Variants in ERC1 observed in about 807,000 individuals in gnomAD.
ERC1 encodes the protein ELKS/RAB6-interacting/CAST family member 1.
A neutral mutation model predicts 132.0 loss-of-function variants in ERC1; 56 were observed. That is an observed-to-expected ratio of 0.42 (90% confidence interval 0.34 to 0.53). ERC1 has a LOEUF of 0.53. Among genes scored for constraint, ERC1 ranks in the 20% least tolerant of loss-of-function variants. The pLI is 0.03. For missense variants in ERC1, 1,202 were observed against 1,349.9 expected (o/e 0.89, Z 1.72); for synonymous variants, 478 against 476.1 (o/e 1.00, Z -0.05).
chr12:1,322,262 A>G (rs1315955403), intron 15 of ERC1, among the ~76,000 whole-genome samples: 2 of 150,612 alleles, frequency 1.3e-5, no homozygotes, highest in Non-Finnish European at 1.5e-5. Flanking sequence ...GAGAATGTAC[A>G]GTAGATAGTA....
intron 8 of ERC1, among the ~76,000 whole-genome samples, chr12:1,166,880 T>G (rs1000595386): frequency 2.0e-5 from 3 of 152,226 alleles, no homozygotes; most frequent in Non-Finnish European, 4.4e-5. Context: ...TGCTAAGGTG[T>G]AATATAAATG....
Position 1,180,600 on chromosome 12 carries a change from C to G in ERC1, c.1798C>G (p.Arg600Gly). The G allele has an allele frequency of 6.2e-7, 1 of 1,614,014 alleles. No individual in the cohort carries two copies. The highest frequency in any genetic ancestry group is 8.5e-7 in the Non-Finnish European group (1 of 1,179,986). Reference protein sequence around the residue: ...KEKQMSSLKERVKSLQADTTN... With the variant: ...KEKQMSSLKEGVKSLQADTTN... ...AAAGCAGATGAGCAGCTTGAAAGAA[C>G]GGGTCAAATCCTTGCAGGCTGACAC... The change falls in exon 9 of 19, where the codon CGG (arginine) becomes GGG (glycine). Residue 600 changes from arginine to glycine, a missense_variant. Physicochemically the swap from Arg to Gly is moderately radical, Grantham distance 125 (BLOSUM62 -2). Transcript: ENST00000360905.
intron 2 of ERC1, among the ~76,000 whole-genome samples, chr12:1,058,808 AAGAGACGAG>A (rs1973495309): frequency 9.2e-5 from 1 of 10,850 alleles, no homozygotes. Context: ...TTTTTTTTTT[AAGAGACGAG>A]GTCTTGCTCT....
chr12:1,053,638 T>C (rs569512475), intron 2 of ERC1, among the ~76,000 whole-genome samples: 81 of 152,346 alleles, frequency 5.3e-4, no homozygotes, highest in Middle Eastern at 3.4e-3. Context: ...TTGTTTATTT[T>C]CTATTTAGTC....
intron 15 of ERC1, among the ~76,000 whole-genome samples, chr12:1,309,111 G>T (rs2081098817): frequency 6.6e-6 from 1 of 152,208 alleles, no homozygotes. Flanking sequence ...GGAACTGTGA[G>T]AAGTAATTTT....
At chr12:1,007,685 A>G (rs962216342) in intron 1 of ERC1, among the ~76,000 whole-genome samples, 3 of 152,142 alleles carry the variant, frequency 2.0e-5, no homozygotes, top group Non-Finnish European at 4.4e-5. Flanking sequence ...TACAGTAGCC[A>G]CTAGCCATGT....
At chr12:1,402,252 T>C (rs1292858184) in intron 16 of ERC1, among the ~76,000 whole-genome samples, 1 of 152,156 alleles carries the variant, frequency 6.6e-6, no homozygotes, top group Non-Finnish European at 1.5e-5. Flanking sequence ...ATGAAAAGGC[T>C]GGGCACGGTG....
At chr12:1,280,814 T>C (rs1277423452) in intron 14 of ERC1, among the ~76,000 whole-genome samples, 2 of 152,262 alleles carry the variant, frequency 1.3e-5, no homozygotes, top group African/African-American at 4.8e-5. Flanking sequence ...GTCCTAGGGT[T>C]ACCAGACATA....
intron 3 of ERC1, among the ~76,000 whole-genome samples, chr12:1,083,783 C>T (rs912595845): frequency 2.0e-5 from 3 of 152,282 alleles, no homozygotes; most frequent in East Asian, 3.9e-4. Context: ...TATGCTGGCT[C>T]AGTGACTTTC....
intron 1 of ERC1, among the ~76,000 whole-genome samples, chr12:1,004,853 A>G (rs1320679568): frequency 8.6e-6 from 1 of 116,422 alleles, no homozygotes; most frequent in Non-Finnish European, 1.8e-5. Flanking sequence ...TGTGTGTATA[A>G]ATTTTTTTTT....
At chr12:1,350,437 G>T (rs1035324139) in intron 15 of ERC1, among the ~76,000 whole-genome samples, 1 of 152,146 alleles carries the variant, frequency 6.6e-6, no homozygotes, top group Admixed American at 6.5e-5. Flanking sequence ...GGTACTTCTG[G>T]CTCCATGAAT....
intron 16 of ERC1, among the ~76,000 whole-genome samples, chr12:1,403,630 T>C (rs146021819): frequency 6.6e-6 from 1 of 152,326 alleles, no homozygotes; most frequent in African/African-American, 2.4e-5. Flanking sequence ...CTGACGTGGA[T>C]CAAATAAGGA....
intron 15 of ERC1, among the ~76,000 whole-genome samples, chr12:1,350,922 A>G (rs1280438152): frequency 1.3e-5 from 2 of 152,034 alleles, no homozygotes; most frequent in Admixed American, 6.6e-5. Context: ...CTTTATCACA[A>G]CCCACTCTCC....
At chr12:1,338,125 AC>A (rs2083465766) in intron 15 of ERC1, among the ~76,000 whole-genome samples, 1 of 152,136 alleles carries the variant, frequency 6.6e-6, no homozygotes, top group African/African-American at 2.4e-5. Context: ...ATCCTGAAAT[AC>A]GTTTTCAGTT....
At chr12:1,142,201 A>G (rs887617851) in intron 8 of ERC1, among the ~76,000 whole-genome samples, 1 of 152,216 alleles carries the variant, frequency 6.6e-6, no homozygotes, top group South Asian at 2.1e-4. Flanking sequence ...AGACCAACAC[A>G]TAATTCATAT....
chr12:1,053,438 G>A (rs1972392720), intron 2 of ERC1, among the ~76,000 whole-genome samples: 1 of 152,184 alleles, frequency 6.6e-6, no homozygotes, highest in Non-Finnish European at 1.5e-5. Flanking sequence ...CATGAAGAGT[G>A]TATGTATTTT....
chr12:1,247,997 A>G (rs1414362282), intron 13 of ERC1, among the ~76,000 whole-genome samples: 1 of 152,144 alleles, frequency 6.6e-6, no homozygotes, highest in Non-Finnish European at 1.5e-5. Context: ...ACTGCATCTC[A>G]AAAAAATAAA....
At chr12:1,400,916 A>ATTATTATTATTTTTTTTTTTTT (rs2090981093) in intron 16 of ERC1, among the ~76,000 whole-genome samples, 1 of 15,040 alleles carries the variant, frequency 6.6e-5, no homozygotes, top group African/African-American at 3.1e-4. Context: ...CTATTTTTGT[A>ATTATTATTATTTTTTTTTTTTT]TTTTTTTTTT....
chr12:1,150,373 C>G (rs762173321), intron 8 of ERC1, among the ~76,000 whole-genome samples: 3 of 152,150 alleles, frequency 2.0e-5, no homozygotes, highest in Non-Finnish European at 4.4e-5. Flanking sequence ...AGAACATATT[C>G]ATAGGGAAAG....
Sources: allele counts gnomAD v4.1 joint callset (sites outside exome capture counted in the v4.1 genomes callset), GRCh38; gene constraint gnomAD v4.1.1; transcripts MANE v1.5; gene names NCBI Gene and HGNC (gene_info 2026-07-23, HGNC 2026-07-21).